ST8SIA6: variants seen among roughly 807,000 people sequenced by gnomAD.
ST8SIA6 encodes ST8 alpha-N-acetyl-neuraminide alpha-2,8-sialyltransferase 6.
A neutral mutation model predicts 33.6 loss-of-function variants in ST8SIA6; 39 were observed. That is an observed-to-expected ratio of 1.16 (90% CI 0.90 to 1.52). The LOEUF (loss-of-function observed/expected upper bound fraction) is 1.52. ST8SIA6 is among the 40% of genes most tolerant of loss of function. The pLI is 0.00. For missense variants in ST8SIA6, 441 were observed against 443.8 expected (o/e 0.99, Z 0.06); for synonymous variants, 172 against 167.2 (o/e 1.03, Z -0.22).
rs190501345 is a variant in ST8SIA6, at chr10:17,395,672, C to G, written c.201-5052G>C. ...CCAAGGCGGGCAGATCACCTGTGGT[C>G]GAGAGTTCAAGACCAGCCTGACCAA... On this transcript the variant is annotated intron_variant, in intron 2 of 7. Coordinates refer to ENST00000377602, the MANE Select transcript of ST8SIA6 (RefSeq NM_001004470.3). Among the ~76,000 whole-genome samples, 874 of 152,212 alleles carry G rather than the reference C, an allele frequency of 5.7e-3. 9 individuals are homozygous for G. Among genetic ancestry groups the G allele is most frequent in the African/African-American group, 0.02 (824 of 41,516 alleles).
intron 4 of ST8SIA6, among the ~76,000 whole-genome samples, chr10:17,332,960 C>A (rs762597934): frequency 6.6e-6 from 1 of 152,076 alleles, no homozygotes; most frequent in Non-Finnish European, 1.5e-5. Context: ...GGATATCAGA[C>A]CTTTGTCAGA....
chr10:17,359,704 TG>T, intron 3 of ST8SIA6, 104 bp from the exon 4 acceptor site: 2 of 567,182 alleles, frequency 3.5e-6, no homozygotes, highest in East Asian at 6.7e-5. Flanking sequence ...AAATATTTTT[TG>T]ATATAAGGTG....
chr10:17,424,364 A>T (rs2131712068), intron 2 of ST8SIA6, among the ~76,000 whole-genome samples: 1 of 152,234 alleles, frequency 6.6e-6, no homozygotes, highest in South Asian at 2.1e-4. Context: ...TCGGCCTCCC[A>T]AAGTGCTGGG....
chr10:17,366,283 T>G (rs1849557302), intron 3 of ST8SIA6, among the ~76,000 whole-genome samples: 3 of 152,194 alleles, frequency 2.0e-5, no homozygotes, highest in African/African-American at 7.2e-5. Flanking sequence ...CTGCAACTTT[T>G]ATTTTCTCCA....
rs144386019 is a variant in ST8SIA6, at chr10:17,395,259, C to G, written c.201-4639G>C. Among the ~76,000 whole-genome samples, 15 of 152,272 alleles carry G rather than the reference C, an allele frequency of 9.9e-5. No homozygotes were observed. In the East Asian group the frequency reaches 2.7e-3, roughly 27 times the overall value. On this transcript the variant is annotated intron_variant, in intron 2 of 7. Transcript: ENST00000377602. Reference sequence around the variant, plus strand: ...AATGTCTTTTTCTTTATGAATTACCCAGTCTCGGGTATATCTTTATTAGCA... The same window carrying G: ...AATGTCTTTTTCTTTATGAATTACCGAGTCTCGGGTATATCTTTATTAGCA...
At chr10:17,357,614 T>C (rs974191081) in intron 4 of ST8SIA6, among the ~76,000 whole-genome samples, 2 of 152,200 alleles carry the variant, frequency 1.3e-5, no homozygotes, top group East Asian at 3.9e-4. Context: ...ATTGATGGGT[T>C]CTTTTCACCT....
chr10:17,453,396 C>T (rs1852989762), intron 2 of ST8SIA6, among the ~76,000 whole-genome samples, 163 bp downstream of exon 2: 1 of 144,664 alleles, frequency 6.9e-6, no homozygotes, highest in Admixed American at 6.7e-5. Context: ...TGAAGGGTGC[C>T]CCCCCCCAAC....
intron 2 of ST8SIA6, among the ~76,000 whole-genome samples, chr10:17,418,826 C>G (rs1482243896): frequency 6.6e-6 from 1 of 151,580 alleles, no homozygotes; most frequent in African/African-American, 2.4e-5. Flanking sequence ...AACCCCGTCT[C>G]TACTAAAAAT....
At chr10:17,362,247 G>A (rs1332267052) in intron 3 of ST8SIA6, among the ~76,000 whole-genome samples, 2 of 152,164 alleles carry the variant, frequency 1.3e-5, no homozygotes, top group Non-Finnish European at 2.9e-5. Flanking sequence ...ATCATCTAAT[G>A]ATTGTAGAAA....
At chr10:17,433,700 T>C (rs547197054) in intron 2 of ST8SIA6, among the ~76,000 whole-genome samples, 148 of 152,314 alleles carry the variant, frequency 9.7e-4, no homozygotes, top group African/African-American at 3.5e-3. Context: ...ATATCAGCTC[T>C]GCCTCACTGT....
chr10:17,396,876 A>G (rs1013858606), intron 2 of ST8SIA6, among the ~76,000 whole-genome samples: 5 of 152,216 alleles, frequency 3.3e-5, no homozygotes, highest in South Asian at 2.1e-4. Flanking sequence ...AGCTATTTCA[A>G]CATTTGCCAT....
intron 2 of ST8SIA6, among the ~76,000 whole-genome samples, chr10:17,403,184 T>C (rs1851114834): frequency 6.6e-6 from 1 of 152,232 alleles, no homozygotes; most frequent in South Asian, 2.1e-4. Flanking sequence ...AGTCAAAGTA[T>C]TGGCTTGCCT....
chr10:17,354,760 T>A (rs1486307137), intron 4 of ST8SIA6, among the ~76,000 whole-genome samples: 1 of 152,126 alleles, frequency 6.6e-6, no homozygotes, highest in African/African-American at 2.4e-5. Context: ...GCCAGAAAGA[T>A]CCTTAGAAAT....
chr10:17,418,185 A>G lies in ST8SIA6; in HGVS notation c.201-27565T>C, dbSNP rs552475104. On this transcript the variant is annotated intron_variant, in intron 2 of 7. Coordinates refer to ENST00000377602, the MANE Select transcript of ST8SIA6 (RefSeq NM_001004470.3). Reference sequence around the variant, plus strand: ...GCAATCCTCCCACCTCAGCCTTCCAAGTAGCTGGGACTACAGGCATGTGCC... The same window carrying G: ...GCAATCCTCCCACCTCAGCCTTCCAGGTAGCTGGGACTACAGGCATGTGCC... Among the ~76,000 whole-genome samples the G allele has an allele frequency of 2.4e-3, 358 of 152,240 alleles. 1 individual carries two copies. Among genetic ancestry groups the G allele is most frequent in the Non-Finnish European group, 2.5e-3 (172 of 68,014 alleles).
At chr10:17,349,494 A>C (rs1021807260) in intron 4 of ST8SIA6, among the ~76,000 whole-genome samples, 6 of 152,206 alleles carry the variant, frequency 3.9e-5, no homozygotes, top group African/African-American at 1.4e-4. Context: ...AGCATTTGAC[A>C]TATTGAATAT....
In ST8SIA6 at chr10:17,351,272, A is replaced by G. The variant is rs188317754; in HGVS notation, c.377+8242T>C. Among the ~76,000 whole-genome samples, 971 of 152,008 alleles carry G rather than the reference A, an allele frequency of 6.4e-3. 9 individuals carry two copies. Among genetic ancestry groups the G allele is most frequent in the Non-Finnish European group, 1.0e-2 (680 of 68,008 alleles). ...GCAGAGGCAGCAATGGATATTGAGA[A>G]TTCCAAGACTAGATATCCAGTTCCT... On this transcript the variant is annotated intron_variant, in intron 4 of 7. Transcript: ENST00000377602.
chr10:17,447,013 C>T (rs573131195), intron 2 of ST8SIA6, among the ~76,000 whole-genome samples: 1 of 141,358 alleles, frequency 7.1e-6, no homozygotes, highest in South Asian at 2.3e-4. Flanking sequence ...GCGCCATTAC[C>T]GACTCTGTCT....
chr10:17,357,339 T>C (rs1183303836), intron 4 of ST8SIA6, among the ~76,000 whole-genome samples: 1 of 151,578 alleles, frequency 6.6e-6, no homozygotes, highest in African/African-American at 2.4e-5. Context: ...GGTTCCACCA[T>C]GTTGGTCAGG....
intron 6 of ST8SIA6, among the ~76,000 whole-genome samples, chr10:17,325,258 T>A (rs138387794): frequency 0.046 from 6,705 of 144,276 alleles, 322 homozygotes; most frequent in African/African-American, 0.12. Flanking sequence ...TATACTATAT[T>A]ATATACTATA....
Sources: gnomAD v4.1 joint callset for allele counts (sites outside exome capture counted in the v4.1 genomes callset) on GRCh38, gnomAD v4.1.1 for gene constraint, MANE v1.5 for transcripts, NCBI Gene and HGNC (gene_info 2026-07-23, HGNC 2026-07-21) for gene names.